ABCC11: variants seen among roughly 807,000 people sequenced by gnomAD.
ABCC11 encodes the protein ATP-binding cassette sub-family C member 11.
In ABCC11, 135 loss-of-function variants were observed where a neutral mutation model predicts 149.3. That is an observed-to-expected ratio of 0.90 (90% CI 0.79 to 1.04). The LOEUF is 1.04. Among genes scored for constraint, ABCC11 ranks in the 50% least tolerant of loss-of-function variants. The pLI is 0.00. For synonymous variants in ABCC11, 665 were observed against 671.4 expected (o/e 0.99, Z 0.15); for missense variants, 1,680 against 1,722.1 (o/e 0.98, Z 0.43).
At position 48,198,264 on chromosome 16, in the gene ABCC11, A is replaced by C. The variant is rs950455922; in HGVS notation, c.2094T>G (p.Phe698Leu). The C allele has an allele frequency of 1.2e-6, 2 of 1,614,134 alleles. No homozygotes were observed. Among genetic ancestry groups the C allele is most frequent in the Admixed American group, 1.7e-5 (1 of 60,012 alleles). Residue 698 changes from phenylalanine to leucine, a missense_variant, in exon 16 of 30, where the codon TTT becomes TTG. Coordinates refer to ENST00000356608, the MANE Select transcript of ABCC11 (RefSeq NM_001370497.1). The stretch of plus-strand genomic sequence containing the variant: ...TTTCCAACAAAATGATCTGGCCACA[A>C]AATTCTAAGTACTGGACAGTCAAAA... The part of the protein sequence containing the change: ...LVTHQLQYLE[F>L]CGQIILLENG...
chr16:48,230,447 G>A lies in ABCC11; in HGVS notation c.226C>T (p.Pro76Ser), dbSNP rs2034045549. 3.7e-6 allele frequency: 6 copies of A among 1,608,112 alleles called. No individual in the cohort carries two copies. In the South Asian group the frequency reaches 5.5e-5, roughly 15 times the overall value. ...CCCATCAGGACTCACCTCGGCTTGG[G>A]ACGGAAGGGAATCATGGTTCTCAAG... The part of the protein sequence containing the change: ...AALRTMIPFR[P>S]KPRFPAPQPL... The change falls in exon 3 of 30, where the codon CCC becomes TCC. Residue 76 changes from proline (P) to serine (S), a missense_variant. Coordinates refer to ENST00000356608, the MANE Select transcript of ABCC11 (RefSeq NM_001370497.1).
intron 14 of ABCC11, among the ~76,000 whole-genome samples, chr16:48,201,474 C>CTTTTTTT (rs560323114): frequency 5.2e-3 from 638 of 123,452 alleles, no homozygotes; most frequent in African/African-American, 6.9e-3. Flanking sequence ...TTTTCTTTTT[C>CTTTTTTT]TTTTTTTTTT....
chr16:48,202,383 G>A (rs115485045), intron 14 of ABCC11, among the ~76,000 whole-genome samples: 2,014 of 152,226 alleles, frequency 0.013, 57 homozygotes, highest in African/African-American at 0.046. Context: ...GGCCGAGCTG[G>A]GTGGATCACA....
intron 7 of ABCC11, among the ~76,000 whole-genome samples, chr16:48,215,807 T>C (rs909357739): frequency 6.6e-6 from 1 of 152,244 alleles, no homozygotes; most frequent in Non-Finnish European, 1.5e-5. Flanking sequence ...CATCAGCACA[T>C]TCTGGGGAGA....
intron 23 of ABCC11, among the ~76,000 whole-genome samples, chr16:48,181,587 C>T (rs1312593351): frequency 6.6e-6 from 1 of 151,982 alleles, no homozygotes. Flanking sequence ...CCTCTTTGAA[C>T]CTGGGTATTC....
intron 6 of ABCC11, among the ~76,000 whole-genome samples, chr16:48,216,918 C>T (rs28684834): frequency 0.14 from 21,664 of 152,062 alleles, 2,013 homozygotes; most frequent in African/African-American, 0.27. Context: ...ACTGCATATA[C>T]ACAAGGGCTT....
chr16:48,243,228 C>G (rs560092433), intron 1 of ABCC11, among the ~76,000 whole-genome samples: 134 of 151,578 alleles, frequency 8.8e-4, no homozygotes, highest in South Asian at 2.3e-3. Context: ...GGCGAAACCC[C>G]GTCTCTACTA....
intron 16 of ABCC11, 26 bp from the exon 17 acceptor site, chr16:48,198,093 T>C: frequency 6.2e-7 from 1 of 1,614,188 alleles, no homozygotes; most frequent in Non-Finnish European, 8.5e-7. Flanking sequence ...AGGCCCTGAG[T>C]ACACGTGCGT....
Position 48,184,616 on chromosome 16 carries a change from G to C in ABCC11, c.3082C>G (p.Leu1028Val), listed in dbSNP as rs1003361629. 27 of 1,613,974 alleles carry C rather than the reference G, an allele frequency of 1.7e-5. No individual in the cohort carries two copies. Among genetic ancestry groups the C allele is most frequent in the Non-Finnish European group, 2.3e-5 (27 of 1,179,898 alleles). ...AGGTAGTTATTCTGCGCATCAGTCA[G>C]CCTCTTAAACCTGAGAAGGAAAGCA... is the stretch of plus-strand genomic sequence containing the variant. ...TEDFISQFKR[L>V]TDAQNNYLLL... The change falls in exon 23 of 30, where the codon CTG becomes GTG. Residue 1028 changes from leucine (L) to valine (V), a missense_variant. Leu to Val is a conservative substitution (Grantham distance 32). Coordinates refer to ENST00000356608, the MANE Select transcript of ABCC11 (RefSeq NM_001370497.1).
In ABCC11 at chr16:48,177,215, C is replaced by T. The variant is rs76500528; in HGVS notation, c.3349-102G>A. The T allele has an allele frequency of 6.0e-4, 742 of 1,230,760 alleles. 5 individuals are homozygous for T. The East Asian group carries it at 0.017, about 29-fold the overall frequency. 76.2% of individuals were successfully genotyped at this position (1,230,760 alleles called of 1,614,324 possible). ...CCGCTGTAGGGGGTGTGACCCACCC[C>T]AGCCTGCCTTGCGCCAAGGTCAAGC... On this transcript the variant is annotated intron_variant, in intron 24 of 29. Transcript: ENST00000356608.
Position 48,211,043 on chromosome 16 carries a change from C to T in ABCC11, c.1513G>A (p.Glu505Lys). The change falls in exon 11 of 30, where the codon GAG (glutamate) becomes AAG (lysine). Residue 505 changes from glutamate to lysine, a missense_variant. Glu to Lys is a moderately conservative substitution (Grantham distance 56, BLOSUM62 1). Coordinates refer to ENST00000356608, the MANE Select transcript of ABCC11 (RefSeq NM_001370497.1). ...GCATCTCTAGGCCTGGTCATCCCCT[C>T]AGAAGCATGCCCGTTCCTCTCCAGC... Reference protein sequence around the residue: ...LELERNGHASEGMTRPRDALG... With the variant: ...LELERNGHASKGMTRPRDALG... The T allele has an allele frequency of 6.2e-7, 1 of 1,614,224 alleles. No individual in the cohort carries two copies. The highest frequency in any genetic ancestry group is 1.1e-5 in the South Asian group (1 of 91,086).
At chr16:48,227,347 G>T (rs1465862025) in intron 4 of ABCC11, among the ~76,000 whole-genome samples, 1 of 151,636 alleles carries the variant, frequency 6.6e-6, no homozygotes, top group Non-Finnish European at 1.5e-5. Flanking sequence ...GGTGGCAAGC[G>T]CCTGTAATTC....
At chr16:48,177,677 G>A (rs1377437747) in intron 24 of ABCC11, among the ~76,000 whole-genome samples, 1 of 152,232 alleles carries the variant, frequency 6.6e-6, no homozygotes, top group Non-Finnish European at 1.5e-5. Flanking sequence ...GCAGTTGTGT[G>A]TGTTGAGAGG....
intron 11 of ABCC11, chr16:48,210,187 A>T (rs1219827660): frequency 1.3e-5 from 2 of 152,234 alleles, no homozygotes; most frequent in Non-Finnish European, 2.9e-5. Context: ...TCAAAACCTT[A>T]TTTCATTTTA....
In ABCC11 at chr16:48,208,437, G is replaced by C; in HGVS notation, c.1668C>G (p.Ala556=). ...ACAGATCACTTACCTCCTCCAGGAT[G>C]GCTGACAACAGGCTGCTCTTACCAC... The part of the protein sequence containing the change: ...TGSGKSSLLS[A]ILEEMHLLEG... Residue 556 remains alanine, a synonymous_variant, in exon 12 of 30, where the codon GCC becomes GCG. Transcript: ENST00000356608. 1 of 1,614,170 alleles carries C rather than the reference G, an allele frequency of 6.2e-7. No homozygotes were observed. Among genetic ancestry groups the C allele is most frequent in the Non-Finnish European group, 8.5e-7 (1 of 1,180,012 alleles).
chr16:48,208,458 A>C lies in ABCC11; in HGVS notation c.1647T>G (p.Gly549=), dbSNP rs144731393. Residue 549 remains glycine, a synonymous_variant, in exon 12 of 30, where the codon GGT becomes GGG. Coordinates refer to ENST00000356608, the MANE Select transcript of ABCC11 (RefSeq NM_001370497.1). The stretch of plus-strand genomic sequence containing the variant: ...GGATGGCTGACAACAGGCTGCTCTT[A>C]CCACTCCCCGTGTTGCCGCAGACCC... ...MLGVCGNTGS[G]KSSLLSAILE... 3 of 1,613,988 alleles carry C rather than the reference A, an allele frequency of 1.9e-6. No homozygotes were observed. In the African/African-American group the frequency reaches 4.0e-5, roughly 22 times the overall value.
chr16:48,242,192 T>C (rs898363246), intron 1 of ABCC11, among the ~76,000 whole-genome samples: 1 of 151,958 alleles, frequency 6.6e-6, no homozygotes, highest in Non-Finnish European at 1.5e-5. Flanking sequence ...CTTAAACAAG[T>C]TTACAAGAAA....
intron 11 of ABCC11, 170 bp downstream of exon 11, chr16:48,210,778 A>G: frequency 1.0e-6 from 1 of 981,932 alleles, no homozygotes; most frequent in African/African-American, 1.6e-5. Context: ...ACATTAAAAA[A>G]TGAACGATAT....
At chr16:48,235,579 G>A (rs1833262235) in intron 1 of ABCC11, among the ~76,000 whole-genome samples, 1 of 152,178 alleles carries the variant, frequency 6.6e-6, no homozygotes. Flanking sequence ...CCAGTTCCAT[G>A]GGGCCCATCT....
Sources: gnomAD v4.1 joint callset for allele counts (sites outside exome capture counted in the v4.1 genomes callset) on GRCh38, gnomAD v4.1.1 for gene constraint, MANE v1.5 for transcripts, NCBI Gene and HGNC (gene_info 2026-07-23, HGNC 2026-07-21) for gene names.